GRID1: variants seen among roughly 807,000 people sequenced by gnomAD.
GRID1 encodes the protein glutamate ionotropic receptor delta type subunit 1.
A neutral mutation model predicts 98.0 loss-of-function variants in GRID1; 28 were observed. The ratio of observed to expected loss-of-function variants is 0.29; its 90% CI spans 0.21 to 0.39. GRID1 has a LOEUF of 0.39. Among genes scored for constraint, GRID1 ranks in the 10% least tolerant of loss-of-function variants. The pLI, the probability that GRID1 is intolerant of heterozygous loss-of-function variation, is 1.00. For synonymous variants in GRID1, 553 were observed against 538.5 expected (o/e 1.03, Z -0.37); for missense variants, 1,111 against 1,340.5 (o/e 0.83, Z 2.67).
At chr10:85,764,120 G>A (rs1052615761) in intron 8 of GRID1, among the ~76,000 whole-genome samples, 2 of 152,162 alleles carry the variant, frequency 1.3e-5, no homozygotes, top group African/African-American at 4.8e-5. Context: ...CCCCTGAAGT[G>A]GTGAGTCTTT....
intron 12 of GRID1, among the ~76,000 whole-genome samples, chr10:85,681,504 T>A (rs1040803980): frequency 6.6e-6 from 1 of 152,108 alleles, no homozygotes; most frequent in Non-Finnish European, 1.5e-5. Flanking sequence ...TCTCCACATC[T>A]TCTCTTCTTT....
intron 12 of GRID1, among the ~76,000 whole-genome samples, chr10:85,687,859 G>A (rs1003568089): frequency 6.6e-6 from 1 of 152,162 alleles, no homozygotes; most frequent in Admixed American, 6.5e-5. Context: ...TGTGTGTTTT[G>A]GGGGAGAGGG....
intron 3 of GRID1, among the ~76,000 whole-genome samples, chr10:86,180,519 T>C (rs1845640289): frequency 6.6e-6 from 1 of 152,032 alleles, no homozygotes; most frequent in Admixed American, 6.5e-5. Flanking sequence ...AATGATGCTT[T>C]GAAGGACCAA....
At chr10:85,936,964 A>G (rs1478821781) in intron 4 of GRID1, among the ~76,000 whole-genome samples, 1 of 152,188 alleles carries the variant, frequency 6.6e-6, no homozygotes, top group African/African-American at 2.4e-5. Flanking sequence ...TGTGGCCATT[A>G]CCCAATTTTA....
intron 4 of GRID1, among the ~76,000 whole-genome samples, chr10:86,118,676 G>A (rs1274298061): frequency 6.6e-6 from 1 of 152,070 alleles, no homozygotes; most frequent in African/African-American, 2.4e-5. Context: ...TTTTAGTGGA[G>A]AAACCTTGAC....
intron 2 of GRID1, among the ~76,000 whole-genome samples, chr10:86,336,235 A>G (rs1848219381): frequency 6.6e-6 from 1 of 152,218 alleles, no homozygotes; most frequent in Admixed American, 6.5e-5. Context: ...TAAAATGTAC[A>G]CAATAACACA....
At chr10:86,231,434 C>T (rs1287979594) in intron 2 of GRID1, among the ~76,000 whole-genome samples, 9 of 152,174 alleles carry the variant, frequency 5.9e-5, no homozygotes, top group Non-Finnish European at 2.9e-5. Context: ...ATCCAGCAGG[C>T]CACAGGTAAC....
At chr10:85,665,283 G>C (rs1841006742) in intron 12 of GRID1, among the ~76,000 whole-genome samples, 2 of 152,116 alleles carry the variant, frequency 1.3e-5, no homozygotes, top group South Asian at 2.1e-4. Flanking sequence ...TCAGGATGAA[G>C]GGCGTCAACC....
intron 4 of GRID1, among the ~76,000 whole-genome samples, chr10:86,117,901 C>G (rs1844608461): frequency 6.6e-6 from 1 of 152,176 alleles, no homozygotes; most frequent in Non-Finnish European, 1.5e-5. Context: ...GTGGAGATAC[C>G]TTAAAGAACT....
intron 4 of GRID1, among the ~76,000 whole-genome samples, chr10:86,004,154 C>T (rs1203330585): frequency 6.6e-6 from 1 of 152,214 alleles, no homozygotes; most frequent in Non-Finnish European, 1.5e-5. Flanking sequence ...CCGTACTAGG[C>T]AGAGCCAGAG....
At chr10:86,062,879 C>T (rs575652338) in intron 4 of GRID1, among the ~76,000 whole-genome samples, 185 of 152,358 alleles carry the variant, frequency 1.2e-3, no homozygotes, top group Middle Eastern at 3.4e-3. Context: ...CTCACTGGGG[C>T]CCAAAGCTTT....
intron 2 of GRID1, among the ~76,000 whole-genome samples, chr10:86,258,673 C>G (rs1846963758): frequency 6.6e-6 from 1 of 152,154 alleles, no homozygotes; most frequent in Admixed American, 6.5e-5. Context: ...TTGGCCCTGG[C>G]AAGTCACATG....
chr10:86,284,297 C>T (rs551771273), intron 2 of GRID1, among the ~76,000 whole-genome samples: 10 of 152,264 alleles, frequency 6.6e-5, no homozygotes, highest in South Asian at 4.1e-4. Flanking sequence ...CACACATTCA[C>T]CCCTACACAC....
intron 12 of GRID1, among the ~76,000 whole-genome samples, chr10:85,708,011 T>C (rs1163670140): frequency 6.6e-6 from 1 of 151,306 alleles, no homozygotes; most frequent in Admixed American, 6.6e-5. Flanking sequence ...ATACCTAATG[T>C]TAAATGACGA....
At chr10:86,358,539 A>G (rs982523269) in intron 2 of GRID1, among the ~76,000 whole-genome samples, 1 of 152,076 alleles carries the variant, frequency 6.6e-6, no homozygotes, top group African/African-American at 2.4e-5. Flanking sequence ...CAGGCGGATC[A>G]CGAGGTCAGG....
intron 2 of GRID1, among the ~76,000 whole-genome samples, chr10:86,310,200 TC>T (rs1847813921): frequency 6.6e-6 from 1 of 152,094 alleles, no homozygotes; most frequent in Admixed American, 6.5e-5. Context: ...CCTGGCCCCA[TC>T]CCCAAGCCCA....
intron 2 of GRID1, among the ~76,000 whole-genome samples, chr10:86,308,180 G>A (rs12259415): frequency 0.011 from 1,646 of 152,194 alleles, 32 homozygotes; most frequent in South Asian, 0.036. Context: ...TGCCACCCTA[G>A]ACACTCACTT....
In GRID1 at chr10:85,649,442, G is replaced by A. The variant is rs186390469; in HGVS notation, c.1998-2045C>T. Among the ~76,000 whole-genome samples, 4 of 152,010 alleles carry A rather than the reference G, an allele frequency of 2.6e-5. No individual in the cohort carries two copies. In the East Asian group the frequency reaches 7.7e-4, roughly 29 times the overall value. On this transcript the variant is annotated intron_variant, in intron 12 of 15. Coordinates refer to ENST00000327946, the MANE Select transcript of GRID1 (RefSeq NM_017551.3). The stretch of plus-strand genomic sequence containing the variant: ...GTTCCTTTGCCTGAAGGGCCCCAAG[G>A]GTTGTAACTCTGCCGTAATTTGCCT...
chr10:85,779,812 G>A lies in GRID1; in HGVS notation c.1234-50198C>T, dbSNP rs148256529. Among the ~76,000 whole-genome samples, 10 of 152,238 alleles carry A rather than the reference G, an allele frequency of 6.6e-5. No individual in the cohort carries two copies. The East Asian group carries it at 7.7e-4, about 12-fold the overall frequency. Reference sequence around the variant, plus strand: ...AATGCAGCCCTGTGGAGATGAAGACGGAAAGGGAAAAGGAAAGTTACACAT... The same window carrying A: ...AATGCAGCCCTGTGGAGATGAAGACAGAAAGGGAAAAGGAAAGTTACACAT... On this transcript the variant is annotated intron_variant, in intron 8 of 15. Coordinates refer to ENST00000327946, the MANE Select transcript of GRID1 (RefSeq NM_017551.3).
Sources: allele counts gnomAD v4.1 joint callset (sites outside exome capture counted in the v4.1 genomes callset), GRCh38; gene constraint gnomAD v4.1.1; transcripts MANE v1.5; gene names NCBI Gene and HGNC (gene_info 2026-07-23, HGNC 2026-07-21).